Variants in FOXP2 observed in about 807,000 individuals in gnomAD.
FOXP2 encodes the protein forkhead box P2.
FOXP2 carries 12 observed loss-of-function variants against 115.8 expected under a neutral mutation model. That is an observed-to-expected ratio of 0.10 (90% CI 0.07 to 0.17). The LOEUF is 0.17. Ranked by LOEUF, FOXP2 falls within the 10% of genes least tolerant of loss-of-function variation. The pLI is 1.00. For missense variants in FOXP2, 629 were observed against 843.5 expected, an observed-to-expected ratio of 0.75 and a Z score of 3.15; for synonymous variants, 328 against 297.7, an observed-to-expected ratio of 1.10 and a Z score of -1.05.
At chr7:114,294,851 A>C (rs140588507) in intron 2 of FOXP2, among the ~76,000 whole-genome samples, 2 of 144,042 alleles carry the variant, frequency 1.4e-5, no homozygotes, top group African/African-American at 5.5e-5. Flanking sequence ...AAAATAAATA[A>C]ATAAATAAAT....
intron 1 of FOXP2, among the ~76,000 whole-genome samples, chr7:114,111,507 G>C (rs1171367177): frequency 6.6e-6 from 1 of 152,076 alleles, no homozygotes; most frequent in Non-Finnish European, 1.5e-5. Flanking sequence ...AAATTTTGAG[G>C]TGGTTTGTTA....
chr7:114,245,865 C>T (rs1795271655), intron 1 of FOXP2, among the ~76,000 whole-genome samples: 1 of 151,902 alleles, frequency 6.6e-6, no homozygotes, highest in Admixed American at 6.6e-5. Context: ...TTGCGTATTT[C>T]ATTTTCTGAA....
intron 3 of FOXP2, among the ~76,000 whole-genome samples, chr7:114,587,081 T>C (rs1802176317): frequency 6.6e-6 from 1 of 152,014 alleles, no homozygotes; most frequent in East Asian, 1.9e-4. Context: ...TAATTTTACT[T>C]TAAGTTCTGG....
intron 2 of FOXP2, among the ~76,000 whole-genome samples, chr7:114,379,588 G>A (rs1012266696): frequency 6.6e-6 from 1 of 152,092 alleles, no homozygotes; most frequent in African/African-American, 2.4e-5. Flanking sequence ...CCATTTCAGG[G>A]GTCCACGGTG....
chr7:114,492,495 T>C (rs1485392197), intron 2 of FOXP2, among the ~76,000 whole-genome samples: 1 of 152,188 alleles, frequency 6.6e-6, no homozygotes, highest in Non-Finnish European at 1.5e-5. Context: ...TTCTTTTAAT[T>C]GTGATGTTAG....
At chr7:114,338,452 G>A in intron 2 of FOXP2, among the ~76,000 whole-genome samples, 1 of 150,724 alleles carries the variant, frequency 6.6e-6, no homozygotes, top group African/African-American at 2.4e-5. Flanking sequence ...ATTACTAATA[G>A]TAAATATTAA....
intron 1 of FOXP2, among the ~76,000 whole-genome samples, chr7:114,232,739 G>T (rs925911103): frequency 6.6e-6 from 1 of 151,940 alleles, no homozygotes; most frequent in Non-Finnish European, 1.5e-5. Flanking sequence ...CTTGAACCCG[G>T]GAGGCGGAAG....
intron 2 of FOXP2, among the ~76,000 whole-genome samples, chr7:114,345,623 T>A (rs1269687390): frequency 6.6e-6 from 1 of 151,778 alleles, no homozygotes; most frequent in Non-Finnish European, 1.5e-5. Context: ...TATGATCTCA[T>A]TGTACTGCCT....
At chr7:114,207,719 G>A (rs1167042081) in intron 1 of FOXP2, among the ~76,000 whole-genome samples, 1 of 151,960 alleles carries the variant, frequency 6.6e-6, no homozygotes, top group African/African-American at 2.4e-5. Context: ...AGTATGTTAA[G>A]GTTTATAGCA....
At chr7:114,341,929 G>A (rs897086830) in intron 2 of FOXP2, among the ~76,000 whole-genome samples, 1 of 151,294 alleles carries the variant, frequency 6.6e-6, no homozygotes, top group Admixed American at 6.6e-5. Flanking sequence ...CTTATGGCTA[G>A]ATTGGAAGCT....
chr7:114,189,352 A>G (rs905439767), intron 1 of FOXP2, among the ~76,000 whole-genome samples: 5 of 152,180 alleles, frequency 3.3e-5, no homozygotes, highest in Non-Finnish European at 7.4e-5. Context: ...TACTTAAAAC[A>G]TGTTTATTGA....
At chr7:114,497,970 A>G (rs1362101026) in intron 2 of FOXP2, among the ~76,000 whole-genome samples, 2 of 152,172 alleles carry the variant, frequency 1.3e-5, no homozygotes, top group African/African-American at 4.8e-5. Context: ...AAACTGAATG[A>G]CTACAGGTTG....
chr7:114,623,798 A>G (rs1161999385), intron 3 of FOXP2, among the ~76,000 whole-genome samples: 1 of 151,898 alleles, frequency 6.6e-6, no homozygotes, highest in Admixed American at 6.6e-5. Flanking sequence ...TAAGTGATGA[A>G]TCATGATTAA....
chr7:114,523,766 C>A (rs974665441), intron 2 of FOXP2, among the ~76,000 whole-genome samples: 1 of 152,166 alleles, frequency 6.6e-6, no homozygotes, highest in Non-Finnish European at 1.5e-5. Context: ...CCATTAATAA[C>A]CTCGTGAGCG....
intron 16 of FOXP2, among the ~76,000 whole-genome samples, chr7:114,671,520 T>C (rs963461392): frequency 2.6e-5 from 4 of 152,318 alleles, no homozygotes; most frequent in East Asian, 3.9e-4. Flanking sequence ...TTCTGTTTTA[T>C]ATCTAAAGAA....
chr7:114,510,910 G>C (rs1798037717), intron 2 of FOXP2, among the ~76,000 whole-genome samples: 1 of 152,160 alleles, frequency 6.6e-6, no homozygotes, highest in Non-Finnish European at 1.5e-5. Flanking sequence ...GCACACGTAT[G>C]TTTATTGTAG....
At chr7:114,190,033 G>A (rs17136839) in intron 1 of FOXP2, among the ~76,000 whole-genome samples, 1 of 152,096 alleles carries the variant, frequency 6.6e-6, no homozygotes, top group Non-Finnish European at 1.5e-5. Flanking sequence ...ATGCATTCTA[G>A]CATTATTTAC....
chr7:114,157,150 T>C (rs1792693023), intron 1 of FOXP2, among the ~76,000 whole-genome samples: 2 of 152,164 alleles, frequency 1.3e-5, no homozygotes. Context: ...AATGACTCAG[T>C]AATTTCTTCA....
At chr7:114,387,611 G>C (rs1792485270) in intron 2 of FOXP2, among the ~76,000 whole-genome samples, 1 of 152,102 alleles carries the variant, frequency 6.6e-6, no homozygotes, top group Admixed American at 6.5e-5. Flanking sequence ...ATGTGAATAT[G>C]CAAGAAAAGT....
Sources: allele counts gnomAD v4.1 joint callset (sites outside exome capture counted in the v4.1 genomes callset), GRCh38; gene constraint gnomAD v4.1.1; transcripts MANE v1.5; gene names NCBI Gene and HGNC (gene_info 2026-07-23, HGNC 2026-07-21).